Variants in MACIR observed in about 807,000 individuals in gnomAD.
The protein encoded by MACIR is UNC119-binding protein C5orf30.
MACIR carries 4 observed loss-of-function variants against 14.3 expected under a neutral mutation model. That is an observed-to-expected ratio of 0.28 (90% confidence interval 0.14 to 0.64). The LOEUF is 0.64. Among genes scored for constraint, MACIR ranks in the 30% least tolerant of loss-of-function variants. MACIR has a pLI of 0.83. For synonymous variants in MACIR, 101 were observed against 102.4 expected, an observed-to-expected ratio of 0.99 and a Z score of 0.08; for missense variants, 228 against 257.6, an observed-to-expected ratio of 0.89 and a Z score of 0.79.
intron 2 of MACIR, among the ~76,000 whole-genome samples, chr5:103,269,220 C>G (rs1486781833): frequency 6.6e-6 from 1 of 151,926 alleles, no homozygotes; most frequent in Non-Finnish European, 1.5e-5. Flanking sequence ...AACAAACAAA[C>G]AAACAAACAA....
At chr5:103,263,252 TTCC>T (rs1324391737) in intron 1 of MACIR, among the ~76,000 whole-genome samples, 1 of 151,810 alleles carries the variant, frequency 6.6e-6, no homozygotes, top group Non-Finnish European at 1.5e-5. Flanking sequence ...CCTCCTGCTC[TTCC>T]TCCTCCTCCC....
intron 2 of MACIR, among the ~76,000 whole-genome samples, chr5:103,271,075 G>A (rs148328376): frequency 2.2e-3 from 341 of 152,230 alleles, no homozygotes; most frequent in African/African-American, 7.7e-3. Flanking sequence ...CTCAGCTAAA[G>A]GTTTGGGGAG....
chr5:103,261,082 T>C (rs1804665585), intron 1 of MACIR, among the ~76,000 whole-genome samples: 1 of 152,216 alleles, frequency 6.6e-6, no homozygotes, highest in Admixed American at 6.5e-5. Context: ...GTAACCTAGG[T>C]TTAATTTTTA....
intron 2 of MACIR, among the ~76,000 whole-genome samples, chr5:103,274,133 T>C (rs1338321657): frequency 2.0e-5 from 3 of 152,174 alleles, no homozygotes; most frequent in African/African-American, 4.8e-5. Context: ...TATGTCCTCT[T>C]GCATTCTTTC....
At chr5:103,271,837 A>G (rs1302067897) in intron 2 of MACIR, among the ~76,000 whole-genome samples, 1 of 152,138 alleles carries the variant, frequency 6.6e-6, no homozygotes, top group Non-Finnish European at 1.5e-5. Flanking sequence ...GTAATTATAA[A>G]ATTAATACTT....
rs1167488032 is a variant in MACIR, at chr5:103,276,675, G to A, written c.*135G>A. 8 of 826,522 alleles carry A rather than the reference G, an allele frequency of 9.7e-6. No homozygotes were observed. The Admixed American group carries it at 2.7e-4, about 28-fold the overall frequency. The allele number at this position is 826,522 out of a possible 1,614,324, so 51.2% of individuals were successfully genotyped here. On this transcript the variant is annotated 3_prime_UTR_variant, in exon 3 of 3. Transcript: ENST00000319933. ...TAAGTGTTCCTGGAACATAAAAATT[G>A]TTTGGGTCAAATTTGAATACAGGAA...
chr5:103,262,233 A>G (rs1804754877), intron 1 of MACIR, among the ~76,000 whole-genome samples: 2 of 152,084 alleles, frequency 1.3e-5, no homozygotes, highest in African/African-American at 4.8e-5. Flanking sequence ...TAGTGTGGGG[A>G]TATATAATAA....
intron 2 of MACIR, among the ~76,000 whole-genome samples, chr5:103,273,713 A>AT (rs1246746135): frequency 6.6e-6 from 1 of 151,482 alleles, no homozygotes; most frequent in African/African-American, 2.4e-5. Flanking sequence ...TACTTAGCAA[A>AT]TTTTTTCCCT....
intron 2 of MACIR, among the ~76,000 whole-genome samples, chr5:103,269,778 C>A (rs1394626160): frequency 1.3e-5 from 2 of 152,038 alleles, no homozygotes; most frequent in African/African-American, 4.8e-5. Flanking sequence ...ATGGTTTGGA[C>A]CTGTTTGCTT....
chr5:103,271,878 C>A (rs1805140225), intron 2 of MACIR, among the ~76,000 whole-genome samples: 1 of 151,942 alleles, frequency 6.6e-6, no homozygotes, highest in African/African-American at 2.4e-5. Context: ...TCTATTTTTG[C>A]TTTAAATTAT....
chr5:103,273,632 T>A (rs1453519820), intron 2 of MACIR, among the ~76,000 whole-genome samples: 1 of 152,212 alleles, frequency 6.6e-6, no homozygotes, highest in Non-Finnish European at 1.5e-5. Context: ...GGGGAAAAAC[T>A]TTTGATGATT....
intron 2 of MACIR, among the ~76,000 whole-genome samples, chr5:103,267,640 A>C (rs1804974453): frequency 6.6e-6 from 1 of 152,214 alleles, no homozygotes; most frequent in Non-Finnish European, 1.5e-5. Context: ...TTCCAAAATT[A>C]TACGGTACAA....
At chr5:103,260,915 TACA>T (rs1804659741) in intron 1 of MACIR, among the ~76,000 whole-genome samples, 1 of 152,228 alleles carries the variant, frequency 6.6e-6, no homozygotes, top group African/African-American at 2.4e-5. Context: ...TTCCACAGTG[TACA>T]CCTGTTCCAT....
intron 2 of MACIR, among the ~76,000 whole-genome samples, chr5:103,274,325 A>G (rs1360865188): frequency 6.6e-6 from 1 of 151,500 alleles, no homozygotes; most frequent in African/African-American, 2.4e-5. Flanking sequence ...TACTATCAAC[A>G]GAGAAATAAA....
chr5:103,274,307 T>C (rs1023828021), intron 2 of MACIR, among the ~76,000 whole-genome samples: 19 of 151,812 alleles, frequency 1.3e-4, no homozygotes, highest in African/African-American at 4.6e-4. Flanking sequence ...AGTCACCTGA[T>C]ATTCCAGTAC....
intron 2 of MACIR, among the ~76,000 whole-genome samples, chr5:103,272,379 A>T (rs1264351206): frequency 3.3e-5 from 4 of 121,664 alleles, no homozygotes; most frequent in Non-Finnish European, 5.5e-5. Context: ...TTTTTTTTCC[A>T]GAATTCTGGA....
intron 2 of MACIR, among the ~76,000 whole-genome samples, chr5:103,274,656 T>C (rs1045638900): frequency 6.7e-6 from 1 of 149,948 alleles, no homozygotes; most frequent in African/African-American, 2.4e-5. Context: ...AAAGTGCTGT[T>C]TTTTTTTTTT....
At chr5:103,268,357 A>G (rs1554236880) in intron 2 of MACIR, among the ~76,000 whole-genome samples, 1 of 152,202 alleles carries the variant, frequency 6.6e-6, no homozygotes, top group Non-Finnish European at 1.5e-5. Flanking sequence ...CTCATTCAGC[A>G]CAGATTTATT....
chr5:103,268,427 T>C (rs2149927690), intron 2 of MACIR, among the ~76,000 whole-genome samples: 1 of 152,246 alleles, frequency 6.6e-6, no homozygotes, highest in East Asian at 1.9e-4. Flanking sequence ...CCACAGAGGA[T>C]TAGGAACAGT....
Sources: gnomAD v4.1 joint callset for allele counts (sites outside exome capture counted in the v4.1 genomes callset) on GRCh38, gnomAD v4.1.1 for gene constraint, MANE v1.5 for transcripts, NCBI Gene and HGNC (gene_info 2026-07-23, HGNC 2026-07-21) for gene names.